Variants in XRN1 observed in about 807,000 individuals in gnomAD.
XRN1 encodes 5'-3' exoribonuclease 1.
A neutral mutation model predicts 222.3 loss-of-function variants in XRN1; 67 were observed. That is an observed-to-expected ratio of 0.30 (90% CI 0.25 to 0.37). The LOEUF (loss-of-function observed/expected upper bound fraction) is 0.37. Among genes scored for constraint, XRN1 ranks in the 10% least tolerant of loss-of-function variants. The pLI is 1.00. For missense variants in XRN1, 1,707 were observed against 2,000.2 expected, an observed-to-expected ratio of 0.85 and a Z score of 2.80; for synonymous variants, 643 against 652.4, an observed-to-expected ratio of 0.99 and a Z score of 0.22.
intron 21 of XRN1, among the ~76,000 whole-genome samples, chr3:142,384,211 G>A (rs1035525833): frequency 4.6e-5 from 7 of 150,612 alleles, no homozygotes; most frequent in Non-Finnish European, 7.4e-5. Flanking sequence ...GGCGGAGCCT[G>A]CAGTGAGCCG....
At position 142,324,462 on chromosome 3, in the gene XRN1, A is replaced by G. The variant is rs189421108; in HGVS notation, c.4404+4972T>C. On this transcript the variant is annotated intron_variant, in intron 37 of 40. Transcript: ENST00000392981. ...ATGGCTGCATAGTATTCCATGGTGT[A>G]TATCTGCCACATTTTCTTAATCCAG... Among the ~76,000 whole-genome samples the G allele has an allele frequency of 2.1e-3, 316 of 152,074 alleles. 1 individual carries two copies. Among genetic ancestry groups the G allele is most frequent in the African/African-American group, 7.4e-3 (306 of 41,464 alleles).
At chr3:142,333,197 T>G in intron 34 of XRN1, 108 bp from the exon 35 acceptor site, 4 of 1,248,000 alleles carry the variant, frequency 3.2e-6, no homozygotes, top group Non-Finnish European at 2.2e-6. Context: ...CTCAATCATC[T>G]TCCCAGGTGT....
intron 1 of XRN1, chr3:142,436,180 A>C (rs2069901136): frequency 6.6e-6 from 1 of 152,228 alleles, no homozygotes; most frequent in Non-Finnish European, 1.5e-5. Context: ...ACCATCCAAA[A>C]TTTCTCATTG....
intron 20 of XRN1, among the ~76,000 whole-genome samples, chr3:142,394,598 C>T (rs1426185697): frequency 6.6e-6 from 1 of 152,180 alleles, no homozygotes; most frequent in African/African-American, 2.4e-5. Context: ...CTCAGCTTTC[C>T]CCATGCCAAA....
chr3:142,434,967 A>G (rs1334190041), intron 1 of XRN1: 2 of 152,218 alleles, frequency 1.3e-5, no homozygotes, highest in East Asian at 3.8e-4. Flanking sequence ...TAGGGTAGGA[A>G]AAGCCAGAAA....
intron 2 of XRN1, 52 bp from the exon 3 acceptor site, chr3:142,426,893 A>G (rs2069277152): frequency 6.8e-7 from 1 of 1,478,338 alleles, no homozygotes; most frequent in Admixed American, 1.7e-5. Flanking sequence ...AAAAGTGAAG[A>G]TCTTTATATA....
Position 142,421,061 on chromosome 3 carries a change from G to A in XRN1, c.1128C>T (p.Val376=), listed in dbSNP as rs148815031. The change falls in exon 10 of 41, where the codon GTC becomes GTT. Residue 376 remains valine (V), a synonymous_variant. Coordinates refer to ENST00000392981, the MANE Select transcript of XRN1 (RefSeq NM_001282857.2). The part of the protein sequence containing the change: ...GNKYLNEAAG[V]AAEEARNYKE... ...TGTAGTTCCTGGCTTCTTCTGCTGCGACACCTGCTGCTTCATTGAGGTACT... is the reference window on the plus strand; with the variant it reads ...TGTAGTTCCTGGCTTCTTCTGCTGCAACACCTGCTGCTTCATTGAGGTACT... 6.8e-6 allele frequency: 11 copies of A among 1,613,798 alleles called. No homozygotes were observed. The highest frequency in any genetic ancestry group is 1.7e-5 in the Admixed American group (1 of 59,994).
At chr3:142,405,824 G>A (rs555278740) in intron 15 of XRN1, among the ~76,000 whole-genome samples, 75 of 151,882 alleles carry the variant, frequency 4.9e-4, no homozygotes, top group African/African-American at 1.8e-3. Flanking sequence ...ATAAAAACAA[G>A]TATCACAATA....
chr3:142,356,800 T>C, intron 31 of XRN1, 112 bp downstream of exon 31: 1 of 1,220,434 alleles, frequency 8.2e-7, no homozygotes, highest in East Asian at 2.5e-5. Context: ...GAGCCAAAAC[T>C]TTTTAAATAA....
intron 2 of XRN1, 65 bp downstream of exon 2, chr3:142,432,596 A>T: frequency 7.4e-7 from 1 of 1,346,102 alleles, no homozygotes; most frequent in Non-Finnish European, 1.0e-6. Context: ...TAAATCAATT[A>T]TCTTTAAAAT....
chr3:142,430,158 A>G (rs1363784111), intron 2 of XRN1, among the ~76,000 whole-genome samples: 1 of 152,168 alleles, frequency 6.6e-6, no homozygotes, highest in Middle Eastern at 3.2e-3. Context: ...TAGTTCTGCC[A>G]CTGGTGAGTC....
intron 15 of XRN1, among the ~76,000 whole-genome samples, chr3:142,408,099 CCAA>C (rs2068417768): frequency 6.6e-6 from 1 of 152,230 alleles, no homozygotes; most frequent in Non-Finnish European, 1.5e-5. Context: ...TCTAGTTTCT[CCAA>C]CAACTTGACT....
At chr3:142,365,819 A>G (rs1216343765) in intron 27 of XRN1, among the ~76,000 whole-genome samples, 2 of 152,204 alleles carry the variant, frequency 1.3e-5, no homozygotes, top group Non-Finnish European at 2.9e-5. Context: ...ATGCTATCCT[A>G]TTCAAATGTC....
intron 1 of XRN1, 83 bp from the exon 2 acceptor site, chr3:142,432,976 A>G: frequency 9.6e-7 from 1 of 1,038,102 alleles, no homozygotes; most frequent in Non-Finnish European, 1.4e-6. Flanking sequence ...GTGATTATTC[A>G]ATGATGAAAA....
intron 34 of XRN1, among the ~76,000 whole-genome samples, chr3:142,334,145 A>G (rs956699004): frequency 6.6e-6 from 1 of 152,340 alleles, no homozygotes; most frequent in East Asian, 1.9e-4. Context: ...GGCTTCACCA[A>G]AAGTCCATGG....
At chr3:142,422,282 G>A (rs1314296640) in intron 8 of XRN1, among the ~76,000 whole-genome samples, 1 of 151,914 alleles carries the variant, frequency 6.6e-6, no homozygotes, top group African/African-American at 2.4e-5. Flanking sequence ...TTGCACTGTC[G>A]CCACTGCACT....
chr3:142,311,449 A>G lies in XRN1; in HGVS notation c.*62T>C, dbSNP rs1481451372. The G allele has an allele frequency of 4.3e-6, 6 of 1,382,068 alleles. No homozygotes were observed. Among genetic ancestry groups the G allele is most frequent in the East Asian group, 2.3e-5 (1 of 43,454 alleles). 85.6% of individuals were successfully genotyped at this position (1,382,068 alleles called of 1,614,324 possible). A position where few individuals can be genotyped will look rare whatever the true frequency, so the allele number is the denominator to read the frequency against. On this transcript the variant is annotated 3_prime_UTR_variant, in exon 41 of 41. Coordinates refer to ENST00000392981, the MANE Select transcript of XRN1 (RefSeq NM_001282857.2). The stretch of plus-strand genomic sequence containing the variant: ...ACATTCTAATTTTTATGAGACATAG[A>G]TATGTATTTATAAAAAGGTAGATGG...
At chr3:142,400,627 C>T in intron 18 of XRN1, 80 bp from the exon 19 acceptor site, 2 of 1,123,522 alleles carry the variant, frequency 1.8e-6, no homozygotes, top group Non-Finnish European at 2.6e-6. Context: ...TTCCAATCTC[C>T]ATTTAAGTTT....
In XRN1 at chr3:142,448,016, C is replaced by G. The variant is rs930047862; in HGVS notation, c.-72G>C. On this transcript the variant is annotated 5_prime_UTR_variant, in exon 1 of 41. Transcript: ENST00000392981. ...CGCCCCGCCGGGGCTCCGCCGCAGC[C>G]TCCGGTCGTCGCTCCGCGGATGACA... is the stretch of plus-strand genomic sequence containing the variant. 2 of 1,515,296 alleles carry G rather than the reference C, an allele frequency of 1.3e-6. No individual in the cohort carries two copies. Among genetic ancestry groups the G allele is most frequent in the African/African-American group, 2.8e-5 (2 of 72,432 alleles). 93.9% of individuals were successfully genotyped at this position (1,515,296 alleles called of 1,614,324 possible).
Sources: allele counts gnomAD v4.1 joint callset (sites outside exome capture counted in the v4.1 genomes callset), GRCh38; gene constraint gnomAD v4.1.1; transcripts MANE v1.5; gene names NCBI Gene and HGNC (gene_info 2026-07-23, HGNC 2026-07-21).